HSPA4: variants seen among roughly 807,000 people sequenced by gnomAD.
HSPA4 encodes the protein heat shock 70 kDa protein 4.
HSPA4 carries 25 observed loss-of-function variants against 106.2 expected under a neutral mutation model. The ratio of observed to expected loss-of-function variants is 0.24; its 90% confidence interval spans 0.17 to 0.33. HSPA4 has a LOEUF of 0.33. Among genes scored for constraint, HSPA4 ranks in the 10% least tolerant of loss-of-function variants. The pLI is 1.00. For synonymous variants in HSPA4, 332 were observed against 333.6 expected (o/e 1.00, Z 0.05); for missense variants, 841 against 996.0 (o/e 0.84, Z 2.10).
rs200241697 is a variant in HSPA4, at chr5:133,081,055, C to CT, written c.908+4167dup. On this transcript the variant is annotated intron_variant, in intron 7 of 18. Coordinates refer to ENST00000304858, the MANE Select transcript of HSPA4 (RefSeq NM_002154.4). ...TTCTGTCTCTATAGATTTGCCTGTT[C>CT]TTTTTTTTTTGAGACAGAGTCTCAG... Among the ~76,000 whole-genome samples the CT allele has an allele frequency of 4.8e-3, 712 of 149,390 alleles. 7 individuals are homozygous for CT. Among genetic ancestry groups the CT allele is most frequent in the African/African-American group, 0.015 (615 of 40,870 alleles).
intron 1 of HSPA4, among the ~76,000 whole-genome samples, chr5:133,059,273 C>T (rs1323746466): frequency 6.6e-6 from 1 of 151,436 alleles, no homozygotes; most frequent in Non-Finnish European, 1.5e-5. Context: ...GATGGGGAAA[C>T]CCTGTCTCTA....
chr5:133,060,945 TAATTTA>T (rs1765234255), intron 1 of HSPA4, among the ~76,000 whole-genome samples: 1 of 150,912 alleles, frequency 6.6e-6, no homozygotes. Context: ...TAATTTTAAA[TAATTTA>T]AATTTAAATA....
At chr5:133,101,627 G>A in intron 16 of HSPA4, 132 bp from the exon 17 acceptor site, 1 of 784,852 alleles carries the variant, frequency 1.3e-6, no homozygotes, top group Non-Finnish European at 2.0e-6. Context: ...TATTTCCAAA[G>A]GCCTGGAGAA....
In HSPA4 at chr5:133,052,354, C is replaced by T. The variant is rs1422675542; in HGVS notation, c.104C>T (p.Thr35Met). Residue 35 changes from threonine to methionine, a missense_variant, in exon 1 of 19, where the codon ACG (threonine) becomes ATG (methionine). This residue lies in a region of HSPA4 where 347 missense variants were observed against 408.7 expected (regional missense o/e 0.85). Coordinates refer to ENST00000304858, the MANE Select transcript of HSPA4 (RefSeq NM_002154.4). The stretch of plus-strand genomic sequence containing the variant: ...GCTAATGAGTATAGCGACCGCTGCA[C>T]GCCGTAAGTGTGGGCCGGGCCTGCC... ...TIANEYSDRC[T>M]PACISFGPKN... 13 of 1,548,378 alleles carry T rather than the reference C, an allele frequency of 8.4e-6. No individual in the cohort carries two copies. The highest frequency in any genetic ancestry group is 1.0e-5 in the Non-Finnish European group (12 of 1,148,062).
Position 133,103,863 on chromosome 5 carries a change from A to T in HSPA4, c.2158-2A>T, listed in dbSNP as rs1435111177. 2.5e-6 allele frequency: 4 copies of T among 1,612,016 alleles called. No homozygotes were observed. The East Asian group carries it at 8.9e-5, about 36-fold the overall frequency. On this transcript the variant is annotated splice_acceptor_variant, in intron 17 of 18. Transcript: ENST00000304858. LOFTEE classifies it high-confidence loss of function. ...ACTTGTTTGACTGTCTCCTGGTTGC[A>T]GGAGGACCAGTATGATCATTTGGAT... is the stretch of plus-strand genomic sequence containing the variant.
intron 3 of HSPA4, 74 bp from the exon 4 acceptor site, chr5:133,070,300 C>A (rs1765365010): frequency 7.2e-7 from 1 of 1,386,608 alleles, no homozygotes; most frequent in Non-Finnish European, 9.8e-7. Flanking sequence ...AAGCATTGTT[C>A]ATTTTAGCTT....
At chr5:133,080,188 C>T (rs7725484) in intron 7 of HSPA4, among the ~76,000 whole-genome samples, 3,450 of 151,034 alleles carry the variant, frequency 0.023, 131 homozygotes, top group African/African-American at 0.076. Context: ...TCGAGGTGGG[C>T]GGATGGCTTG....
rs1327376854 is a variant in HSPA4 at position 133,092,736 on chromosome 5, G to C, written c.1597G>C (p.Glu533Gln). Residue 533 changes from glutamate (E) to glutamine (Q), a missense_variant, in exon 13 of 19, where the codon GAG becomes CAG. Physicochemically the swap from Glu to Gln is conservative, Grantham distance 29. This residue lies in a region of HSPA4 where 328 missense variants were observed against 372.2 expected (regional missense o/e 0.88). Transcript: ENST00000304858. ...GGACCAGGAGGAACCACATGTTGAA[G>C]AGCAACAGCAGCAGACACCAGCAGA... ...QVDQEEPHVEEQQQQTPAENK... is the reference protein window; with the variant it reads ...QVDQEEPHVEQQQQQTPAENK... 1 of 1,596,768 alleles carries C rather than the reference G, an allele frequency of 6.3e-7. No homozygotes were observed. Among genetic ancestry groups the C allele is most frequent in the South Asian group, 1.1e-5 (1 of 90,766 alleles).
chr5:133,072,377 G>A lies in HSPA4; in HGVS notation c.430-853G>A, dbSNP rs74291390. ...TCCTCTACCACAGGAGTTCTGCCTA[G>A]CCTGGTCCAGGGTTGTTTTTTTTTT... On this transcript the variant is annotated intron_variant, in intron 4 of 18. Transcript: ENST00000304858. 4.3e-4 allele frequency among the ~76,000 whole-genome samples: 64 copies of A among 147,504 alleles called. No homozygotes were observed. In the East Asian group the frequency reaches 0.012, roughly 27 times the overall value.
intron 7 of HSPA4, among the ~76,000 whole-genome samples, chr5:133,077,780 G>A (rs536739636): frequency 3.0e-4 from 45 of 152,132 alleles, no homozygotes; most frequent in East Asian, 5.8e-4. Flanking sequence ...TGAGCTATCC[G>A]TAAAAAAATT....
intron 4 of HSPA4, among the ~76,000 whole-genome samples, chr5:133,072,176 G>A (rs907591874): frequency 1.3e-5 from 2 of 152,134 alleles, no homozygotes; most frequent in South Asian, 2.1e-4. Flanking sequence ...GAGGGTTCAC[G>A]GGCCCTAGCG....
chr5:133,104,036 G>T lies in HSPA4; in HGVS notation c.2319+10G>T. The T allele has an allele frequency of 6.2e-7, 1 of 1,604,788 alleles. No individual in the cohort carries two copies. The highest frequency in any genetic ancestry group is 8.5e-7 in the Non-Finnish European group (1 of 1,174,966). ...TGAAGCTAAAATTAAGGTAATTTAAGACTTTTTTTTAATAGTCTTTTCTTG... is the reference window on the plus strand; with the variant it reads ...TGAAGCTAAAATTAAGGTAATTTAATACTTTTTTTTAATAGTCTTTTCTTG... On this transcript the variant is annotated intron_variant, in intron 18 of 18. Coordinates refer to ENST00000304858, the MANE Select transcript of HSPA4 (RefSeq NM_002154.4).
chr5:133,072,460 C>T (rs1361756396), intron 4 of HSPA4, among the ~76,000 whole-genome samples: 1 of 131,898 alleles, frequency 7.6e-6, no homozygotes, highest in East Asian at 2.3e-4. Context: ...AGTGCAGTGG[C>T]ATGATCTTGG....
At chr5:133,060,843 A>G (rs1229954246) in intron 1 of HSPA4, among the ~76,000 whole-genome samples, 12 of 137,804 alleles carry the variant, frequency 8.7e-5, no homozygotes, top group African/African-American at 3.4e-4. Context: ...TTTTTGAGAC[A>G]AGGTCTCGCT....
intron 7 of HSPA4, among the ~76,000 whole-genome samples, chr5:133,077,466 G>C (rs1376799501): frequency 6.6e-6 from 1 of 152,210 alleles, no homozygotes. Flanking sequence ...TCAAACTCCT[G>C]ACCTCAGGTG....
At chr5:133,099,317 G>A (rs997585130) in intron 15 of HSPA4, among the ~76,000 whole-genome samples, 4 of 151,622 alleles carry the variant, frequency 2.6e-5, no homozygotes, top group Admixed American at 1.3e-4. Context: ...ATTTTTAGTG[G>A]AGACGGGGTT....
Position 133,052,307 on chromosome 5 carries a change from C to A in HSPA4, c.57C>A (p.Arg19=), listed in dbSNP as rs775229133. 1.3e-6 allele frequency: 2 copies of A among 1,591,762 alleles called. No homozygotes were observed. Among genetic ancestry groups the A allele is most frequent in the African/African-American group, 2.7e-5 (2 of 74,538 alleles). ...GFQSCYVAVA[R]AGGIETIANE... is the part of the protein sequence containing the mutation. ...AGAGCTGCTACGTCGCTGTGGCCCG[C>A]GCCGGCGGCATCGAGACTATCGCTA... Residue 19 remains arginine, a synonymous_variant, in exon 1 of 19, where the codon CGC becomes CGA. Transcript: ENST00000304858.
At chr5:133,077,332 G>A (rs1765458288) in intron 7 of HSPA4, among the ~76,000 whole-genome samples, 1 of 152,124 alleles carries the variant, frequency 6.6e-6, no homozygotes, top group Non-Finnish European at 1.5e-5. Flanking sequence ...TCCACCCCCA[G>A]GTTCAAGCGA....
At chr5:133,082,708 T>A (rs921390322) in intron 7 of HSPA4, among the ~76,000 whole-genome samples, 1 of 152,108 alleles carries the variant, frequency 6.6e-6, no homozygotes, top group Non-Finnish European at 1.5e-5. Context: ...TCGGCCACCC[T>A]CCTCAGACTC....
Sources: gnomAD v4.1 joint callset for allele counts (sites outside exome capture counted in the v4.1 genomes callset) on GRCh38, gnomAD v4.1.1 for gene constraint, gnomAD v4.1.1 regional missense constraint, MANE v1.5 for transcripts, NCBI Gene and HGNC (gene_info 2026-07-23, HGNC 2026-07-21) for gene names.